Variants in FAM135B observed in about 807,000 individuals in gnomAD.
The protein encoded by FAM135B is family with sequence similarity 135 member B, also known as protein FAM135B.
FAM135B carries 43 observed loss-of-function variants against 127.7 expected under a neutral mutation model. The observed-to-expected ratio is 0.34, with a 90% CI of 0.26 to 0.43. The LOEUF (loss-of-function observed/expected upper bound fraction) is 0.43, where lower values mean the gene tolerates loss of function less well. Ranked by LOEUF, FAM135B falls within the 20% of genes least tolerant of loss-of-function variation. The pLI, the probability that FAM135B is intolerant of heterozygous loss-of-function variation, is 1.00. For missense variants in FAM135B, 1,558 were observed against 1,725.6 expected (o/e 0.90, Z 1.72); for synonymous variants, 670 against 665.1 (o/e 1.01, Z -0.11).
intron 2 of FAM135B, among the ~76,000 whole-genome samples, chr8:138,366,120 G>A (rs1423259089): frequency 6.6e-6 from 1 of 152,072 alleles, no homozygotes; most frequent in Non-Finnish European, 1.5e-5. Flanking sequence ...GAGAAACTTA[G>A]CTTCAGCTCC....
At position 138,218,645 on chromosome 8, in the gene FAM135B, T is replaced by C. The variant is rs371157503; in HGVS notation, c.670-20976A>G. On this transcript the variant is annotated intron_variant, in intron 7 of 19. Coordinates refer to ENST00000395297, the MANE Select transcript of FAM135B (RefSeq NM_015912.4). ...ACAGCACAGAGTTGCTCAATAGATATCCCTCCTCCTTTCTTTTTACATGGG... is the reference window on the plus strand; with the variant it reads ...ACAGCACAGAGTTGCTCAATAGATACCCCTCCTCCTTTCTTTTTACATGGG... 1.4e-3 allele frequency among the ~76,000 whole-genome samples: 209 copies of C among 152,146 alleles called. 3 individuals are homozygous for C. The highest frequency in any genetic ancestry group is 4.4e-3 in the African/African-American group (181 of 41,512).
At chr8:138,355,420 G>A (rs905311627) in intron 2 of FAM135B, among the ~76,000 whole-genome samples, 7 of 152,190 alleles carry the variant, frequency 4.6e-5, no homozygotes, top group Non-Finnish European at 1.0e-4. Flanking sequence ...TCCTTTGTAG[G>A]GACATGGATG....
intron 2 of FAM135B, among the ~76,000 whole-genome samples, chr8:138,343,051 C>G (rs961740221): frequency 4.6e-5 from 7 of 152,204 alleles, no homozygotes; most frequent in Non-Finnish European, 7.3e-5. Context: ...TCTTAAAATA[C>G]GCATTCATTT....
intron 2 of FAM135B, among the ~76,000 whole-genome samples, chr8:138,332,983 GCACACA>G (rs59548249): frequency 6.9e-6 from 1 of 145,394 alleles, no homozygotes; most frequent in African/African-American, 2.5e-5. Context: ...TTTGGAAAGC[GCACACA>G]CACACACACA....
At chr8:138,435,281 A>T (rs1197264977) in intron 1 of FAM135B, among the ~76,000 whole-genome samples, 1 of 152,144 alleles carries the variant, frequency 6.6e-6, no homozygotes, top group Non-Finnish European at 1.5e-5. Flanking sequence ...TGGGTGACAG[A>T]GTAAGACTCC....
intron 1 of FAM135B, among the ~76,000 whole-genome samples, chr8:138,378,122 C>A (rs1041450840): frequency 6.6e-6 from 1 of 152,168 alleles, no homozygotes; most frequent in African/African-American, 2.4e-5. Context: ...AGAATTGGGG[C>A]CAACTTCTCA....
rs569313630 is a variant in FAM135B, at chr8:138,164,472, C to T, written c.1258+3423G>A. On this transcript the variant is annotated intron_variant, in intron 12 of 19. Coordinates refer to ENST00000395297, the MANE Select transcript of FAM135B (RefSeq NM_015912.4). ...GTGAAAGGAAAATATCTTGAGGCCC[C>T]CAAAATCACTAAGCTAAAGGGAAAA... 4.6e-5 allele frequency among the ~76,000 whole-genome samples: 7 copies of T among 152,258 alleles called. No homozygotes were observed. The East Asian group carries it at 1.4e-3, about 29-fold the overall frequency.
At chr8:138,364,450 G>C (rs532574275) in intron 2 of FAM135B, among the ~76,000 whole-genome samples, 1 of 152,264 alleles carries the variant, frequency 6.6e-6, no homozygotes, top group East Asian at 1.9e-4. Context: ...CCAAAACCAC[G>C]CTCAGACCTG....
rs1343882297 is a variant in FAM135B, at chr8:138,151,621, C to T, written c.2854G>A (p.Gly952Ser). 1 of 1,614,158 alleles carries T rather than the reference C, an allele frequency of 6.2e-7. No individual in the cohort carries two copies. Among genetic ancestry groups the T allele is most frequent in the South Asian group, 1.1e-5 (1 of 91,072 alleles). ...AADAINRNST[G>S]QQSQSGSPCI... ...GGTGAACCGCTTTGGCTTTGCTGGCCTGTTGAGTTCCTGTTGATGGCATCA... is the reference window on the plus strand; with the variant it reads ...GGTGAACCGCTTTGGCTTTGCTGGCTTGTTGAGTTCCTGTTGATGGCATCA... The change falls in exon 13 of 20, where the codon GGC becomes AGC. Residue 952 changes from glycine (G) to serine (S), a missense_variant. Gly to Ser is a moderately conservative substitution (Grantham distance 56). Transcript: ENST00000395297.
chr8:138,298,609 G>A (rs1825642568), intron 3 of FAM135B, among the ~76,000 whole-genome samples: 2 of 152,112 alleles, frequency 1.3e-5, no homozygotes, highest in African/African-American at 4.8e-5. Flanking sequence ...AAGCGAACCA[G>A]GACCTGTTAA....
At chr8:138,337,499 C>G (rs146782394) in intron 2 of FAM135B, among the ~76,000 whole-genome samples, 141,746 of 150,638 alleles carry the variant, frequency 0.94, 67,002 homozygotes, top group Non-Finnish European at 0.98. Context: ...GAGTGAACTC[C>G]CATTCACAAT....
At chr8:138,360,957 A>C (rs1830384592) in intron 2 of FAM135B, among the ~76,000 whole-genome samples, 1 of 146,716 alleles carries the variant, frequency 6.8e-6, no homozygotes. Context: ...ATGAAGTCTC[A>C]CTCTGTTGCC....
chr8:138,356,061 C>G (rs575544985), intron 2 of FAM135B, among the ~76,000 whole-genome samples: 1 of 152,244 alleles, frequency 6.6e-6, no homozygotes, highest in East Asian at 1.9e-4. Flanking sequence ...GCATTTGCCC[C>G]TTCTATCATG....
intron 2 of FAM135B, among the ~76,000 whole-genome samples, chr8:138,315,638 C>T (rs887434234): frequency 6.6e-5 from 10 of 150,628 alleles, no homozygotes; most frequent in African/African-American, 2.4e-4. Context: ...CACACACATA[C>T]ACATGCACTC....
chr8:138,303,492 C>G lies in FAM135B; in HGVS notation c.157+7349G>C, dbSNP rs568069387. Reference sequence around the variant, plus strand: ...GGATAAATACCTAATGTATGCGGGGCTTAAAACCTGGAGATGGGTTGGTAG... The same window carrying G: ...GGATAAATACCTAATGTATGCGGGGGTTAAAACCTGGAGATGGGTTGGTAG... On this transcript the variant is annotated intron_variant, in intron 3 of 19. Transcript: ENST00000395297. 5.9e-5 allele frequency among the ~76,000 whole-genome samples: 9 copies of G among 152,148 alleles called. No individual in the cohort carries two copies. In the East Asian group the frequency reaches 1.7e-3, roughly 29 times the overall value.
intron 7 of FAM135B, among the ~76,000 whole-genome samples, chr8:138,228,364 C>T (rs189782840): frequency 2.1e-3 from 324 of 152,192 alleles, no homozygotes; most frequent in African/African-American, 7.6e-3. Context: ...GTGATGTGCA[C>T]TCCTGGTTAA....
At chr8:138,338,190 T>C (rs979848193) in intron 2 of FAM135B, among the ~76,000 whole-genome samples, 38 of 152,064 alleles carry the variant, frequency 2.5e-4, no homozygotes, top group Admixed American at 1.3e-4. Context: ...ATTCAGGACA[T>C]AGGCATAGGC....
At chr8:138,167,851 G>C (rs1266004214) in intron 12 of FAM135B, 44 bp downstream of exon 12, 2 of 1,553,408 alleles carry the variant, frequency 1.3e-6, no homozygotes, top group Non-Finnish European at 1.7e-6. Context: ...GAATCCCACT[G>C]GAAAGCCTTA....
At chr8:138,278,855 A>C (rs1479412756) in intron 3 of FAM135B, among the ~76,000 whole-genome samples, 3 of 152,178 alleles carry the variant, frequency 2.0e-5, no homozygotes, top group South Asian at 2.1e-4. Flanking sequence ...GGTTGTTGTG[A>C]GTATCAAATG....
Sources: gnomAD v4.1 joint callset for allele counts (sites outside exome capture counted in the v4.1 genomes callset) on GRCh38, gnomAD v4.1.1 for gene constraint, MANE v1.5 for transcripts, NCBI Gene and HGNC (gene_info 2026-07-23, HGNC 2026-07-21) for gene names.